The following ARHGAP28 variants were observed in gnomAD, a reference collection of about 807,000 sequenced individuals.
ARHGAP28 encodes the protein rho GTPase-activating protein 28.
In ARHGAP28, 56 loss-of-function variants were observed where a neutral mutation model predicts 90.7. The ratio of observed to expected loss-of-function variants is 0.62; its 90% CI spans 0.50 to 0.77. ARHGAP28 has a LOEUF of 0.77. Ranked by LOEUF, ARHGAP28 falls within the 30% of genes least tolerant of loss-of-function variation. The probability of loss-of-function intolerance (pLI) is 0.00; values close to 1 mark genes in which losing one functional copy is unlikely to be tolerated. For synonymous variants in ARHGAP28, 308 were observed against 323.3 expected, an observed-to-expected ratio of 0.95 and a Z score of 0.51; for missense variants, 869 against 900.9, an observed-to-expected ratio of 0.96 and a Z score of 0.45.
chr18:6,847,630 G>GGTGTGT (rs60063372), intron 3 of ARHGAP28, among the ~76,000 whole-genome samples: 1,725 of 150,376 alleles, frequency 0.011, 27 homozygotes, highest in African/African-American at 0.031. Context: ...AGAGAGTGGG[G>GGTGTGT]GTGTGTGTGT....
chr18:6,847,337 T>A (rs1260825235), intron 3 of ARHGAP28, among the ~76,000 whole-genome samples: 10 of 152,146 alleles, frequency 6.6e-5, no homozygotes. Context: ...CTCTTGTACC[T>A]TTTTATCCTT....
intron 16 of ARHGAP28, among the ~76,000 whole-genome samples, chr18:6,907,283 G>A (rs2057369207): frequency 6.6e-6 from 1 of 151,874 alleles, no homozygotes; most frequent in Non-Finnish European, 1.5e-5. Context: ...ACTGCCGTAT[G>A]ACCCAGCACT....
intron 16 of ARHGAP28, chr18:6,898,535 T>C (rs1567987366): frequency 1.2e-6 from 2 of 1,614,012 alleles, no homozygotes; most frequent in Non-Finnish European, 1.7e-6. Flanking sequence ...GCCCCAAACA[T>C]GTATTCCTCT....
intron 4 of ARHGAP28, 31 bp downstream of exon 4, chr18:6,851,157 G>A (rs2056907871): frequency 6.3e-7 from 1 of 1,593,904 alleles, no homozygotes; most frequent in Admixed American, 1.7e-5. Flanking sequence ...GATGGTGGTA[G>A]GCATGAAATA....
At chr18:6,754,429 T>G (rs777772522) in intron 1 of ARHGAP28, among the ~76,000 whole-genome samples, 36 of 152,164 alleles carry the variant, frequency 2.4e-4, no homozygotes, top group Non-Finnish European at 3.8e-4. Flanking sequence ...ATTTTAAGAA[T>G]CCATGCTGGC....
At chr18:6,813,579 CTTA>C (rs2056571403) in intron 1 of ARHGAP28, among the ~76,000 whole-genome samples, 1 of 152,198 alleles carries the variant, frequency 6.6e-6, no homozygotes, top group Admixed American at 6.5e-5. Context: ...AATTTGATAA[CTTA>C]TTTTGTCATA....
rs933142835 is a variant in ARHGAP28, at chr18:6,893,071, CTT to C, written c.1849-1763_1849-1762del. ...TGCCTCCCAAGCTTTTTAGTTATCT[CTT>C]GTTTTCCTCAATTTCTTCTGATCCA... is the stretch of plus-strand genomic sequence containing the variant. On this transcript the variant is annotated intron_variant, in intron 14 of 17. Transcript: ENST00000383472. Among the ~76,000 whole-genome samples, 8 of 152,326 alleles carry C rather than the reference CTT, an allele frequency of 5.3e-5. No individual in the cohort carries two copies. The South Asian group carries it at 8.3e-4, about 16-fold the overall frequency.
At chr18:6,733,231 T>C (rs991984802) in intron 1 of ARHGAP28, among the ~76,000 whole-genome samples, 1 of 152,208 alleles carries the variant, frequency 6.6e-6, no homozygotes, top group Non-Finnish European at 1.5e-5. Flanking sequence ...AAGTTCTTTT[T>C]TTAAAATCAG....
At chr18:6,809,719 C>A (rs1403776662) in intron 1 of ARHGAP28, among the ~76,000 whole-genome samples, 2 of 152,112 alleles carry the variant, frequency 1.3e-5, no homozygotes, top group African/African-American at 2.4e-5. Flanking sequence ...CATTAGAAAC[C>A]ACCCCCATGA....
At chr18:6,901,797 A>G (rs1411512319) in intron 16 of ARHGAP28, among the ~76,000 whole-genome samples, 1 of 152,168 alleles carries the variant, frequency 6.6e-6, no homozygotes, top group African/African-American at 2.4e-5. Flanking sequence ...CAAATTGGGT[A>G]GCTTAAAAGG....
At chr18:6,826,683 C>CTTTTTT (rs36069648) in intron 2 of ARHGAP28, among the ~76,000 whole-genome samples, 141 of 88,232 alleles carry the variant, frequency 1.6e-3, no homozygotes, top group Non-Finnish European at 1.7e-3. Flanking sequence ...GGATTTTGAG[C>CTTTTTT]TTTTTTTTTT....
At chr18:6,893,488 G>A (rs1056787269) in intron 14 of ARHGAP28, among the ~76,000 whole-genome samples, 1 of 152,180 alleles carries the variant, frequency 6.6e-6, no homozygotes, top group Non-Finnish European at 1.5e-5. Context: ...TGCTTTTATG[G>A]AGGGGCAGCC....
intron 1 of ARHGAP28, among the ~76,000 whole-genome samples, chr18:6,730,722 TATG>T (rs2055873874): frequency 1.3e-5 from 2 of 152,202 alleles, no homozygotes; most frequent in Admixed American, 1.3e-4. Context: ...ACAAAAGTAT[TATG>T]ATGAGTGAGA....
intron 10 of ARHGAP28, among the ~76,000 whole-genome samples, chr18:6,880,162 C>G (rs1347659972): frequency 6.6e-6 from 1 of 152,128 alleles, no homozygotes; most frequent in African/African-American, 2.4e-5. Context: ...TGTGTTTTTC[C>G]TGTTAACAAC....
chr18:6,854,987 C>G (rs1435698342), intron 4 of ARHGAP28, among the ~76,000 whole-genome samples: 1 of 152,210 alleles, frequency 6.6e-6, no homozygotes, highest in Non-Finnish European at 1.5e-5. Flanking sequence ...CCCCTGCCCC[C>G]TTGGCCCCCC....
chr18:6,819,887 G>A (rs749930071), intron 1 of ARHGAP28, among the ~76,000 whole-genome samples: 7 of 152,138 alleles, frequency 4.6e-5, no homozygotes, highest in African/African-American at 1.7e-4. Context: ...CTCCTGATTG[G>A]ATTGACATGC....
At chr18:6,783,909 T>C (rs1197507547) in intron 1 of ARHGAP28, among the ~76,000 whole-genome samples, 1 of 152,218 alleles carries the variant, frequency 6.6e-6, no homozygotes. Flanking sequence ...TAAAGTTCTC[T>C]GGTTCTGGTA....
chr18:6,799,156 G>A (rs1357374596), intron 1 of ARHGAP28, among the ~76,000 whole-genome samples: 2 of 152,074 alleles, frequency 1.3e-5, no homozygotes, highest in Non-Finnish European at 2.9e-5. Context: ...TCAACAATGT[G>A]TTTACTTCTT....
chr18:6,896,705 A>G, intron 16 of ARHGAP28, 79 bp downstream of exon 16: 1 of 1,541,422 alleles, frequency 6.5e-7, no homozygotes, highest in Non-Finnish European at 8.8e-7. Context: ...GCATTTACAA[A>G]TTTGACCTTT....
Sources: allele counts gnomAD v4.1 joint callset (sites outside exome capture counted in the v4.1 genomes callset), GRCh38; gene constraint gnomAD v4.1.1; transcripts MANE v1.5; gene names NCBI Gene and HGNC (gene_info 2026-07-23, HGNC 2026-07-21).